CLOCK: variants seen among roughly 807,000 people sequenced by gnomAD.
CLOCK encodes circadian locomoter output cycles protein kaput.
Under a neutral mutation model 118.4 loss-of-function variants are expected in CLOCK, and 43 were observed. The observed-to-expected ratio is 0.36, with a 90% confidence interval of 0.28 to 0.47. The LOEUF (loss-of-function observed/expected upper bound fraction) is 0.47. Ranked by LOEUF, CLOCK falls within the 20% of genes least tolerant of loss-of-function variation. The pLI, the probability that CLOCK is intolerant of heterozygous loss-of-function variation, is 1.00. For missense variants in CLOCK, 846 were observed against 999.9 expected (o/e 0.85, Z 2.08); for synonymous variants, 326 against 339.2 (o/e 0.96, Z 0.43).
intron 12 of CLOCK, 77 bp from the exon 13 acceptor site, chr4:55,456,080 G>A (rs556366616): frequency 1.4e-5 from 18 of 1,275,382 alleles, no homozygotes; most frequent in Non-Finnish European, 2.0e-5. Flanking sequence ...TAAACTTTGG[G>A]GGGGGGGCTT....
intron 1 of CLOCK, among the ~76,000 whole-genome samples, chr4:55,531,102 T>C (rs1730512204): frequency 6.6e-6 from 1 of 151,980 alleles, no homozygotes; most frequent in African/African-American, 2.4e-5. Flanking sequence ...GAGGAAAAGA[T>C]GAACAAAAAG....
intron 20 of CLOCK, among the ~76,000 whole-genome samples, chr4:55,442,986 T>C (rs756700177): frequency 6.6e-6 from 1 of 152,180 alleles, no homozygotes; most frequent in Non-Finnish European, 1.5e-5. Flanking sequence ...GTCACAGATC[T>C]ACAGTAATTA....
At chr4:55,487,441 T>C (rs895794803) in intron 3 of CLOCK, among the ~76,000 whole-genome samples, 1 of 152,198 alleles carries the variant, frequency 6.6e-6, no homozygotes, top group African/African-American at 2.4e-5. Flanking sequence ...TTTAAGATGA[T>C]TATAATTCAG....
intron 18 of CLOCK, among the ~76,000 whole-genome samples, chr4:55,447,317 T>C (rs62303708): frequency 0.23 from 34,869 of 152,080 alleles, 4,571 homozygotes; most frequent in South Asian, 0.37. Flanking sequence ...TAAGCCGAGA[T>C]TGCGCCACTG....
At chr4:55,518,561 T>C (rs771551718) in intron 1 of CLOCK, among the ~76,000 whole-genome samples, 4 of 152,182 alleles carry the variant, frequency 2.6e-5, no homozygotes, top group Non-Finnish European at 5.9e-5. Flanking sequence ...ATCCCCAATG[T>C]GACAGTATTA....
chr4:55,482,827 T>C lies in CLOCK; in HGVS notation c.-42A>G, dbSNP rs1474968708. The C allele has an allele frequency of 7.0e-7, 1 of 1,438,374 alleles. No individual in the cohort carries two copies. Among genetic ancestry groups the C allele is most frequent in the Admixed American group, 1.8e-5 (1 of 54,862 alleles). 89.1% of individuals were successfully genotyped at this position (1,438,374 alleles called of 1,614,324 possible). On this transcript the variant is annotated splice_region_variant and 5_prime_UTR_variant, in exon 4 of 23. Transcript: ENST00000513440. ...GTCTTGTAGTAGACATTTGTACTTC[T>C]CCTTAGGTGAAAAGAAAAATAAATG...
At chr4:55,454,479 GTGGTACGTGCCTGTAATCCCAGCTACT>G (rs1724750625) in intron 13 of CLOCK, among the ~76,000 whole-genome samples, 1 of 151,804 alleles carries the variant, frequency 6.6e-6, no homozygotes, top group Non-Finnish European at 1.5e-5. Context: ...GCCAGGCATG[GTGGTACGTGCCTGTAATCCCAGCTACT>G]CACGAGGCTG....
chr4:55,539,554 C>G (rs1291691843), intron 1 of CLOCK, among the ~76,000 whole-genome samples: 2 of 105,482 alleles, frequency 1.9e-5, no homozygotes, highest in Non-Finnish European at 3.4e-5. Flanking sequence ...GCCTGGGTGC[C>G]AGAGTGAGAC....
rs148458174 is a variant in CLOCK at position 55,448,504 on chromosome 4, A to G, written c.1539+275T>C. ...GGGCCAGTGATACCCCACAATCATT[A>G]CAACAATCAAAAATGTCCCCAGATA... On this transcript the variant is annotated intron_variant, in intron 18 of 22. Transcript: ENST00000513440. Among the ~76,000 whole-genome samples the G allele has an allele frequency of 9.6e-3, 1,456 of 152,224 alleles. 9 individuals carry two copies. The highest frequency in any genetic ancestry group is 0.017 in the Non-Finnish European group (1,136 of 68,004).
chr4:55,465,447 C>A (rs1168841661), intron 8 of CLOCK, among the ~76,000 whole-genome samples: 2 of 152,154 alleles, frequency 1.3e-5, no homozygotes, highest in African/African-American at 2.4e-5. Flanking sequence ...TAAAAGGGGC[C>A]TATCTCTTAC....
chr4:55,472,445 T>C (rs1726210189), intron 7 of CLOCK, among the ~76,000 whole-genome samples: 1 of 152,106 alleles, frequency 6.6e-6, no homozygotes, highest in Admixed American at 6.6e-5. Context: ...GAAGATCCAG[T>C]GGAGAAGAAG....
At chr4:55,526,751 A>T (rs1407440497) in intron 1 of CLOCK, among the ~76,000 whole-genome samples, 6 of 152,204 alleles carry the variant, frequency 3.9e-5, no homozygotes, top group African/African-American at 1.4e-4. Flanking sequence ...GATCCAGACC[A>T]TCCTGGCTAA....
intron 22 of CLOCK, among the ~76,000 whole-genome samples, chr4:55,436,892 CTTT>C (rs35888413): frequency 0.027 from 2,663 of 98,376 alleles, 72 homozygotes; most frequent in African/African-American, 0.091. Flanking sequence ...TTTGGGATGC[CTTT>C]TTTTTTTTTT....
Position 55,435,593 on chromosome 4 carries a change from G to C in CLOCK, c.2363C>G (p.Thr788Ser), listed in dbSNP as rs764082162. The C allele has an allele frequency of 1.2e-6, 2 of 1,613,710 alleles. No individual in the cohort carries two copies. Among genetic ancestry groups the C allele is most frequent in the South Asian group, 2.2e-5 (2 of 91,034 alleles). ...LTQPPQQFLQ[T>S]SRLLHGNPST... ...GGGATTCCCATGGAGCAACCTAGAA[G>C]TCTAAAAAACAAATGGATTATGCAG... is the stretch of plus-strand genomic sequence containing the variant. Residue 788 changes from threonine (T) to serine (S), a missense_variant and splice_region_variant, in exon 23 of 23, where the codon ACT becomes AGT. Transcript: ENST00000513440.
chr4:55,441,712 T>C (rs79665195), intron 21 of CLOCK, among the ~76,000 whole-genome samples: 4,258 of 152,186 alleles, frequency 0.028, 209 homozygotes, highest in African/African-American at 0.097. Context: ...AGTGATATAA[T>C]AGACTTTGGA....
intron 21 of CLOCK, among the ~76,000 whole-genome samples, chr4:55,441,049 C>A (rs1424162820): frequency 2.6e-5 from 4 of 152,178 alleles, no homozygotes; most frequent in African/African-American, 9.6e-5. Context: ...TTCATCACCC[C>A]AAACAATACC....
intron 7 of CLOCK, among the ~76,000 whole-genome samples, chr4:55,473,563 G>C (rs1726289953): frequency 6.6e-6 from 1 of 152,072 alleles, no homozygotes; most frequent in South Asian, 2.1e-4. Flanking sequence ...ACTCTACCTT[G>C]CTTCAGACTT....
At chr4:55,442,707 C>A in intron 20 of CLOCK, 73 bp from the exon 21 acceptor site, 1 of 1,251,730 alleles carries the variant, frequency 8.0e-7, no homozygotes, top group South Asian at 1.3e-5. Flanking sequence ...TAGAATTCAT[C>A]ATTCTAACAA....
intron 7 of CLOCK, among the ~76,000 whole-genome samples, chr4:55,471,530 G>A (rs1316411392): frequency 6.6e-6 from 1 of 152,178 alleles, no homozygotes; most frequent in Non-Finnish European, 1.5e-5. Flanking sequence ...GAAATCAGTA[G>A]TATTAGGAAT....
Sources: allele counts gnomAD v4.1 joint callset (sites outside exome capture counted in the v4.1 genomes callset), GRCh38; gene constraint gnomAD v4.1.1; transcripts MANE v1.5; gene names NCBI Gene and HGNC (gene_info 2026-07-23, HGNC 2026-07-21).